Variants in AP1S3 observed in about 807,000 individuals in gnomAD.
AP1S3 encodes AP-1 complex subunit sigma-3.
AP1S3 carries 10 observed loss-of-function variants against 20.9 expected under a neutral mutation model. The observed-to-expected ratio is 0.48, with a 90% CI of 0.29 to 0.81. The LOEUF is 0.81. AP1S3 is among the 30% of genes least tolerant of loss of function. The pLI, the probability that AP1S3 is intolerant of heterozygous loss-of-function variation, is 0.08. For synonymous variants in AP1S3, 41 were observed against 61.5 expected (o/e 0.67, Z 1.56); for missense variants, 154 against 183.8 (o/e 0.84, Z 0.94).
intron 4 of AP1S3, among the ~76,000 whole-genome samples, chr2:223,763,411 C>T (rs756930528): frequency 4.6e-5 from 7 of 152,164 alleles, no homozygotes; most frequent in Non-Finnish European, 7.4e-5. Flanking sequence ...GCTTTAATTA[C>T]TGAAGTGCCA....
chr2:223,811,568 C>CAAA (rs143512043), intron 1 of AP1S3, among the ~76,000 whole-genome samples: 10 of 135,474 alleles, frequency 7.4e-5, no homozygotes, highest in African/African-American at 2.7e-4. Context: ...GACTCCATTT[C>CAAA]AAAAAAAAAA....
At chr2:223,837,191 G>A (rs941434002) in intron 1 of AP1S3, among the ~76,000 whole-genome samples, 1 of 151,720 alleles carries the variant, frequency 6.6e-6, no homozygotes, top group Non-Finnish European at 1.5e-5. Context: ...CTAAGCACTC[G>A]GCTAAGGCGG....
intron 1 of AP1S3, among the ~76,000 whole-genome samples, chr2:223,801,916 T>C (rs1691476144): frequency 6.6e-6 from 1 of 152,232 alleles, no homozygotes; most frequent in Admixed American, 6.5e-5. Flanking sequence ...TCTGTGTCAC[T>C]AGTATTACAT....
chr2:223,762,070 T>C (rs1019209178), intron 4 of AP1S3, among the ~76,000 whole-genome samples: 16 of 151,368 alleles, frequency 1.1e-4, no homozygotes, highest in Admixed American at 2.6e-4. Flanking sequence ...CCCCCTGGGT[T>C]CAAGCGATTC....
intron 1 of AP1S3, among the ~76,000 whole-genome samples, chr2:223,837,209 GA>G (rs947717329): frequency 5.3e-5 from 8 of 151,452 alleles, no homozygotes; most frequent in African/African-American, 1.9e-4. Context: ...CGGATCGAAT[GA>G]ATGAATGGAG....
At chr2:223,821,520 C>T (rs10191265) in intron 1 of AP1S3, among the ~76,000 whole-genome samples, 48,970 of 152,086 alleles carry the variant, frequency 0.32, 8,301 homozygotes, top group Middle Eastern at 0.43. Flanking sequence ...AAATATATGC[C>T]TAAAGCAAAA....
At chr2:223,797,778 A>T (rs1215520070) in intron 1 of AP1S3, among the ~76,000 whole-genome samples, 1 of 152,162 alleles carries the variant, frequency 6.6e-6, no homozygotes, top group East Asian at 1.9e-4. Flanking sequence ...AAAAATAAAT[A>T]AAATAAAATA....
intron 1 of AP1S3, among the ~76,000 whole-genome samples, chr2:223,784,187 C>G (rs1472063965): frequency 6.6e-6 from 1 of 152,164 alleles, no homozygotes; most frequent in Non-Finnish European, 1.5e-5. Context: ...AGCTGAATCT[C>G]CAGTAGTACT....
intron 3 of AP1S3, chr2:223,773,364 T>C: frequency 7.7e-7 from 1 of 1,303,808 alleles, no homozygotes; most frequent in Non-Finnish European, 1.0e-6. Context: ...GTAGTTTATT[T>C]CAAAGGAAAG....
chr2:223,790,052 C>T (rs1324889231), intron 1 of AP1S3, among the ~76,000 whole-genome samples: 1 of 152,034 alleles, frequency 6.6e-6, no homozygotes, highest in Non-Finnish European at 1.5e-5. Flanking sequence ...TTCAGAACAA[C>T]CAGGACAAAG....
chr2:223,769,309 C>T (rs1690552919), intron 3 of AP1S3, among the ~76,000 whole-genome samples: 1 of 152,102 alleles, frequency 6.6e-6, no homozygotes. Flanking sequence ...TGTGGTCCTC[C>T]AAAGTAGTCT....
intron 1 of AP1S3, among the ~76,000 whole-genome samples, chr2:223,787,669 G>A (rs1443581642): frequency 1.3e-5 from 2 of 152,196 alleles, no homozygotes; most frequent in East Asian, 3.8e-4. Flanking sequence ...GTGGTTGAAA[G>A]TCTCCCTATC....
chr2:223,758,144 A>G lies in AP1S3; in HGVS notation c.*571T>C. ...TGGTTATTTTCATAATCCCAATTCT[A>G]AAAAAAATAAATGAATTCAGCACAT... On this transcript the variant is annotated 3_prime_UTR_variant, in exon 5 of 5. Coordinates refer to ENST00000396654, the MANE Select transcript of AP1S3 (RefSeq NM_001039569.2). 1 of 281,056 alleles carries G rather than the reference A, an allele frequency of 3.6e-6. No homozygotes were observed. The highest frequency in any genetic ancestry group is 3.0e-5 in the African/African-American group (1 of 33,644). 17.4% of individuals were successfully genotyped at this position (281,056 alleles called of 1,614,324 possible). A position where few individuals can be genotyped will look rare whatever the true frequency, so the allele number is the denominator to read the frequency against.
intron 1 of AP1S3, among the ~76,000 whole-genome samples, chr2:223,793,193 G>T (rs1282887712): frequency 6.6e-6 from 1 of 152,080 alleles, no homozygotes; most frequent in Non-Finnish European, 1.5e-5. Flanking sequence ...AGGCAGAAAC[G>T]CCAATTGACT....
At chr2:223,767,042 C>T (rs1218136834) in intron 3 of AP1S3, among the ~76,000 whole-genome samples, 3 of 145,122 alleles carry the variant, frequency 2.1e-5, no homozygotes, top group East Asian at 2.1e-4. Context: ...CATCACACAC[C>T]GGAGTGTGTT....
At chr2:223,761,894 G>T (rs1210721345) in intron 4 of AP1S3, among the ~76,000 whole-genome samples, 1 of 152,056 alleles carries the variant, frequency 6.6e-6, no homozygotes, top group African/African-American at 2.4e-5. Flanking sequence ...GCTGTTAGTT[G>T]GGGTAAAATA....
intron 1 of AP1S3, among the ~76,000 whole-genome samples, chr2:223,780,062 G>C (rs1430474182): frequency 6.6e-6 from 1 of 151,702 alleles, no homozygotes; most frequent in Non-Finnish European, 1.5e-5. Flanking sequence ...CGATATCTGA[G>C]GGTCCAATGA....
intron 1 of AP1S3, among the ~76,000 whole-genome samples, chr2:223,822,476 G>A (rs921338972): frequency 2.0e-5 from 3 of 152,184 alleles, no homozygotes; most frequent in African/African-American, 7.2e-5. Flanking sequence ...CCTGAGGTCA[G>A]GAGTTTGAGA....
At position 223,775,837 on chromosome 2, in the gene AP1S3, A is replaced by G. The variant is rs1690770222; in HGVS notation, c.291+64T>C. 3 of 1,235,486 alleles carry G rather than the reference A, an allele frequency of 2.4e-6. No homozygotes were observed. The African/African-American group carries it at 4.5e-5, about 19-fold the overall frequency. 76.5% of individuals were successfully genotyped at this position (1,235,486 alleles called of 1,614,324 possible). A position where few individuals can be genotyped will look rare whatever the true frequency, so the allele number is the denominator to read the frequency against. Reference sequence around the variant, plus strand: ...AGAGAGAAGGGATGTGACCAGAGACAGAACTGAAGTAAGAGCTGAGATGGG... The same window carrying G: ...AGAGAGAAGGGATGTGACCAGAGACGGAACTGAAGTAAGAGCTGAGATGGG... On this transcript the variant is annotated intron_variant, in intron 3 of 4. Transcript: ENST00000396654.
Sources: gnomAD v4.1 joint callset for allele counts (sites outside exome capture counted in the v4.1 genomes callset) on GRCh38, gnomAD v4.1.1 for gene constraint, MANE v1.5 for transcripts, NCBI Gene and HGNC (gene_info 2026-07-23, HGNC 2026-07-21) for gene names.